ARHGAP10: variants seen among roughly 807,000 people sequenced by gnomAD.
ARHGAP10 encodes rho GTPase-activating protein 10.
Under a neutral mutation model 108.6 loss-of-function variants are expected in ARHGAP10, and 87 were observed. The observed-to-expected ratio is 0.80, with a 90% CI of 0.67 to 0.96. ARHGAP10 has a LOEUF of 0.96. ARHGAP10 is among the 40% of genes least tolerant of loss of function. The pLI is 0.00. For synonymous variants in ARHGAP10, 347 were observed against 341.1 expected, an observed-to-expected ratio of 1.02 and a Z score of -0.19; for missense variants, 939 against 954.5, an observed-to-expected ratio of 0.98 and a Z score of 0.21.
intron 18 of ARHGAP10, among the ~76,000 whole-genome samples, chr4:147,980,301 A>G (rs1342682006): frequency 6.6e-6 from 1 of 151,984 alleles, no homozygotes; most frequent in Admixed American, 6.5e-5. Flanking sequence ...ATGATCATAT[A>G]GTTTTTGTTT....
chr4:147,892,227 T>C (rs1274470225), intron 10 of ARHGAP10, among the ~76,000 whole-genome samples: 1 of 152,226 alleles, frequency 6.6e-6, no homozygotes, highest in East Asian at 1.9e-4. Flanking sequence ...ACTGGCGTTT[T>C]ACAGTGATTT....
intron 13 of ARHGAP10, among the ~76,000 whole-genome samples, chr4:147,925,906 C>T (rs1444032130): frequency 6.6e-6 from 1 of 152,200 alleles, no homozygotes; most frequent in Admixed American, 6.5e-5. Context: ...GGAGGAAAAA[C>T]TCTGAATGCA....
chr4:147,732,512 C>T (rs1477393473), intron 1 of ARHGAP10, 57 bp downstream of exon 1: 1 of 1,598,790 alleles, frequency 6.3e-7, no homozygotes, highest in African/African-American at 1.4e-5. Context: ...CTGGGGGAGC[C>T]TCTCTCGGCA....
chr4:148,068,224 G>C (rs1313829649), intron 22 of ARHGAP10, among the ~76,000 whole-genome samples: 4 of 152,296 alleles, frequency 2.6e-5, no homozygotes, highest in East Asian at 3.9e-4. Context: ...TGGTTTCCAG[G>C]AGCGACCCCA....
chr4:147,975,173 T>C (rs1318747670), intron 18 of ARHGAP10, among the ~76,000 whole-genome samples: 1 of 152,184 alleles, frequency 6.6e-6, no homozygotes, highest in Non-Finnish European at 1.5e-5. Flanking sequence ...ATTTTAGCCT[T>C]TGTAATAGGG....
intron 19 of ARHGAP10, among the ~76,000 whole-genome samples, chr4:148,027,653 A>C (rs1313991659): frequency 6.6e-6 from 1 of 152,202 alleles, no homozygotes; most frequent in African/African-American, 2.4e-5. Context: ...TCATATATAG[A>C]TGTCCTTTCA....
intron 5 of ARHGAP10, chr4:147,864,213 C>A (rs1734447107): frequency 6.6e-6 from 1 of 152,316 alleles, no homozygotes; most frequent in Non-Finnish European, 1.5e-5. Context: ...AAGCTGGAAG[C>A]TTTTTTTGGA....
intron 1 of ARHGAP10, among the ~76,000 whole-genome samples, chr4:147,734,426 T>C (rs1203878049): frequency 6.6e-6 from 1 of 152,220 alleles, no homozygotes; most frequent in East Asian, 1.9e-4. Context: ...TAACTTGTAA[T>C]CATGCTTTGA....
chr4:148,002,448 T>C (rs1258255120), intron 18 of ARHGAP10, among the ~76,000 whole-genome samples: 1 of 152,148 alleles, frequency 6.6e-6, no homozygotes, highest in Non-Finnish European at 1.5e-5. Context: ...AGGGAGGATT[T>C]CCTCTTTTTC....
Position 147,966,785 on chromosome 4 carries a change from G to T in ARHGAP10, c.1662G>T (p.Met554Ile), listed in dbSNP as rs1329713383. ...AGGAAGAAACTGTCGCTGCCCTCAT[G>T]GACTTGAAGTTTCAGAATATTGTTG... ...RPQEETVAAL[M>I]DLKFQNIVVE... The change falls in exon 18 of 23, where the codon ATG becomes ATT. Residue 554 changes from methionine (M) to isoleucine (I), a missense_variant. Transcript: ENST00000336498. The T allele has an allele frequency of 6.2e-7, 1 of 1,600,382 alleles. No homozygotes were observed. Among genetic ancestry groups the T allele is most frequent in the East Asian group, 2.2e-5 (1 of 44,694 alleles).
intron 11 of ARHGAP10, among the ~76,000 whole-genome samples, chr4:147,908,128 G>A (rs367674329): frequency 5.3e-5 from 8 of 152,270 alleles, no homozygotes; most frequent in African/African-American, 1.9e-4. Context: ...ACAGGCATGA[G>A]CCACCACACC....
At position 147,870,001 on chromosome 4, in the gene ARHGAP10, TGTG is replaced by T. The variant is rs1560800889; in HGVS notation, c.702+3186_702+3188del. Reference sequence around the variant, plus strand: ...TATTGTTGAAAAAAGTCCCAGTTTGTGTGTGTGTGTGTGTGTGTGTGTGTGTGT... The same window carrying T: ...TATTGTTGAAAAAAGTCCCAGTTTGTTGTGTGTGTGTGTGTGTGTGTGTGT... On this transcript the variant is annotated intron_variant, in intron 7 of 22. Coordinates refer to ENST00000336498, the MANE Select transcript of ARHGAP10 (RefSeq NM_024605.4). Among the ~76,000 whole-genome samples the T allele has an allele frequency of 4.7e-3, 681 of 144,582 alleles. 16 individuals carry two copies. Among genetic ancestry groups the T allele is most frequent in the South Asian group, 0.012 (53 of 4,442 alleles). The allele number at this position is 144,582 out of a possible 152,430, so 94.9% of individuals were successfully genotyped here. A position where few individuals can be genotyped will look rare whatever the true frequency, so the allele number is the denominator to read the frequency against.
chr4:147,827,866 T>C (rs1732783812), intron 3 of ARHGAP10, among the ~76,000 whole-genome samples: 1 of 152,126 alleles, frequency 6.6e-6, no homozygotes, highest in Admixed American at 6.5e-5. Context: ...AGTGCAGTGG[T>C]GCAATCTCAG....
At chr4:147,747,665 T>C (rs1180120487) in intron 1 of ARHGAP10, among the ~76,000 whole-genome samples, 1 of 152,188 alleles carries the variant, frequency 6.6e-6, no homozygotes, top group African/African-American at 2.4e-5. Flanking sequence ...GTGGAAAGGA[T>C]AGAGTTTAAA....
intron 1 of ARHGAP10, among the ~76,000 whole-genome samples, chr4:147,797,189 T>G: frequency 6.6e-6 from 1 of 152,144 alleles, no homozygotes; most frequent in East Asian, 1.9e-4. Flanking sequence ...CTATTCAATG[T>G]CCTCAAAGTT....
intron 13 of ARHGAP10, among the ~76,000 whole-genome samples, chr4:147,933,432 G>A (rs1369887303): frequency 6.6e-6 from 1 of 152,160 alleles, no homozygotes; most frequent in African/African-American, 2.4e-5. Context: ...TCTGTGCATT[G>A]AGGGATTAGC....
At chr4:147,934,693 G>A (rs149493420) in intron 13 of ARHGAP10, among the ~76,000 whole-genome samples, 3 of 152,272 alleles carry the variant, frequency 2.0e-5, no homozygotes, top group South Asian at 2.1e-4. Context: ...ATTCAGCCTA[G>A]TGTGGTAGCA....
chr4:147,821,878 G>T (rs781571988), intron 1 of ARHGAP10, among the ~76,000 whole-genome samples: 1 of 152,250 alleles, frequency 6.6e-6, no homozygotes, highest in Non-Finnish European at 1.5e-5. Flanking sequence ...CTTTGGACCA[G>T]TGGTTCTGAA....
intron 18 of ARHGAP10, among the ~76,000 whole-genome samples, chr4:148,008,998 A>AAATATAT (rs1741062082): frequency 1.3e-5 from 2 of 152,226 alleles, no homozygotes; most frequent in Non-Finnish European, 2.9e-5. Context: ...GTAATGGTTT[A>AAATATAT]GTATTAAATA....
Sources: gnomAD v4.1 joint callset for allele counts (sites outside exome capture counted in the v4.1 genomes callset) on GRCh38, gnomAD v4.1.1 for gene constraint, MANE v1.5 for transcripts, NCBI Gene and HGNC (gene_info 2026-07-23, HGNC 2026-07-21) for gene names.